Variants in RPA2 observed in about 807,000 individuals in gnomAD.
RPA2 encodes the protein replication protein A2.
RPA2 carries 22 observed loss-of-function variants against 33.4 expected under a neutral mutation model. The observed-to-expected ratio is 0.66, with a 90% confidence interval of 0.47 to 0.94. The LOEUF (loss-of-function observed/expected upper bound fraction) is 0.94, where lower values mean the gene tolerates loss of function less well. Among genes scored for constraint, RPA2 ranks in the 40% least tolerant of loss-of-function variants. RPA2 has a pLI of 0.00. For missense variants in RPA2, 279 were observed against 329.9 expected, an observed-to-expected ratio of 0.85 and a Z score of 1.19; for synonymous variants, 109 against 114.9, an observed-to-expected ratio of 0.95 and a Z score of 0.33.
intron 4 of RPA2, among the ~76,000 whole-genome samples, chr1:27,898,695 G>A (rs1235633957): frequency 6.6e-6 from 1 of 151,888 alleles, no homozygotes; most frequent in Non-Finnish European, 1.5e-5. Context: ...ATAGGCGCCT[G>A]CCACCACACC....
intron 2 of RPA2, among the ~76,000 whole-genome samples, chr1:27,911,012 T>G (rs550980550): frequency 3.4e-4 from 51 of 151,942 alleles, no homozygotes; most frequent in African/African-American, 1.1e-3. Flanking sequence ...CGTCAGGAGT[T>G]TGAGACCAGC....
chr1:27,906,992 A>C lies in RPA2; in HGVS notation c.269T>G (p.Ile90Ser). 1 of 1,613,964 alleles carries C rather than the reference A, an allele frequency of 6.2e-7. No individual in the cohort carries two copies. ...TGTCATGTCATCTATTTTGTAAACA[A>C]TGTTGGTTGGAGCCTTCTCTGCATG... is the stretch of plus-strand genomic sequence containing the variant. ...IRHAEKAPTNIVYKIDDMTAA... is the reference protein window; with the variant it reads ...IRHAEKAPTNSVYKIDDMTAA... The change falls in exon 4 of 9, where the codon ATT (isoleucine) becomes AGT (serine). Residue 90 changes from isoleucine to serine, a missense_variant. Ile to Ser is a moderately radical substitution (Grantham distance 142). Coordinates refer to ENST00000373912, the MANE Select transcript of RPA2 (RefSeq NM_002946.5).
At chr1:27,906,664 C>T (rs765599871) in intron 4 of RPA2, among the ~76,000 whole-genome samples, 8 of 151,986 alleles carry the variant, frequency 5.3e-5, no homozygotes, top group South Asian at 2.1e-4. Context: ...ACTGCCTGGG[C>T]GACAGAGTGA....
intron 8 of RPA2, among the ~76,000 whole-genome samples, chr1:27,893,454 C>A (rs1235645898): frequency 6.6e-6 from 1 of 151,830 alleles, no homozygotes; most frequent in Non-Finnish European, 1.5e-5. Flanking sequence ...TACAGACATG[C>A]GCCACTGTGC....
Position 27,894,371 on chromosome 1 carries a change from G to A in RPA2, c.552C>T (p.Ser184=). ...TCCCTGCTTCACTCATTCCTGGATTGCTGATAGGTGCTCTCCCTGCTGAGG... is the reference window on the plus strand; with the variant it reads ...TCCCTGCTTCACTCATTCCTGGATTACTGATAGGTGCTCTCCCTGCTGAGG... ...SQPSAGRAPI[S]NPGMSEAGNF... Residue 184 remains serine, a synonymous_variant, in exon 7 of 9, where the codon AGC becomes AGT. Transcript: ENST00000373912. 6.2e-7 allele frequency: 1 copy of A among 1,613,786 alleles called. No individual in the cohort carries two copies. Among genetic ancestry groups the A allele is most frequent in the Non-Finnish European group, 8.5e-7 (1 of 1,179,978 alleles).
chr1:27,895,607 T>C (rs1467708382), intron 6 of RPA2, among the ~76,000 whole-genome samples: 1 of 151,100 alleles, frequency 6.6e-6, no homozygotes, highest in Admixed American at 6.6e-5. Flanking sequence ...GGTGGGCGCC[T>C]GTGGTCCCAG....
intron 6 of RPA2, among the ~76,000 whole-genome samples, chr1:27,896,519 G>A (rs868323685): frequency 6.6e-6 from 1 of 152,052 alleles, no homozygotes; most frequent in Non-Finnish European, 1.5e-5. Flanking sequence ...GGTCCTAGAT[G>A]GACTTGTCAA....
intron 1 of RPA2, 107 bp from the exon 2 acceptor site, chr1:27,914,276 C>G (rs768098414): frequency 6.3e-7 from 1 of 1,598,498 alleles, no homozygotes; most frequent in East Asian, 2.3e-5. Flanking sequence ...GTCTCCCTAA[C>G]CTTCCTCGCC....
At chr1:27,901,986 A>C (rs182741993) in intron 4 of RPA2, among the ~76,000 whole-genome samples, 69 of 149,518 alleles carry the variant, frequency 4.6e-4, no homozygotes, top group Admixed American at 2.1e-3. Flanking sequence ...GAAAATTTAC[A>C]AAAACCCCAC....
chr1:27,914,527 C>A lies in RPA2; in HGVS notation c.-84G>T. ...AAACCACAGAACGCGGCCGCCACTGCGCCGCTCTGGCTACTTTTCTCTGGC... is the reference window on the plus strand; with the variant it reads ...AAACCACAGAACGCGGCCGCCACTGAGCCGCTCTGGCTACTTTTCTCTGGC... On this transcript the variant is annotated 5_prime_UTR_variant, in exon 1 of 9. Coordinates refer to ENST00000373912, the MANE Select transcript of RPA2 (RefSeq NM_002946.5). 6.2e-7 allele frequency: 1 copy of A among 1,605,422 alleles called. No individual in the cohort carries two copies. Among genetic ancestry groups the A allele is most frequent in the Non-Finnish European group, 8.5e-7 (1 of 1,176,294 alleles).
At chr1:27,912,764 C>T (rs1311309651) in intron 2 of RPA2, among the ~76,000 whole-genome samples, 1 of 152,110 alleles carries the variant, frequency 6.6e-6, no homozygotes, top group Admixed American at 6.6e-5. Flanking sequence ...CTGGAGCCCC[C>T]ATGTTCTGGC....
At chr1:27,900,107 C>A (rs1380373623) in intron 4 of RPA2, among the ~76,000 whole-genome samples, 1 of 152,208 alleles carries the variant, frequency 6.6e-6, no homozygotes, top group Non-Finnish European at 1.5e-5. Context: ...CCGAACCCAG[C>A]TGAGATTTAT....
chr1:27,899,905 C>G (rs866500002), intron 4 of RPA2, among the ~76,000 whole-genome samples: 6 of 152,260 alleles, frequency 3.9e-5, no homozygotes, highest in Non-Finnish European at 7.4e-5. Flanking sequence ...TGGTCTCGAT[C>G]TCCTGACCTC....
chr1:27,907,731 AG>A, intron 2 of RPA2, among the ~76,000 whole-genome samples: 1 of 152,312 alleles, frequency 6.6e-6, no homozygotes, highest in South Asian at 2.1e-4. Flanking sequence ...AATTGCTTGT[AG>A]GTCTTGTGAT....
chr1:27,899,378 G>A (rs889406163), intron 4 of RPA2, among the ~76,000 whole-genome samples: 1 of 151,902 alleles, frequency 6.6e-6, no homozygotes, highest in East Asian at 1.9e-4. Context: ...GGTGGTGGGT[G>A]CCTGTAGTCC....
chr1:27,909,719 A>G (rs955590715), intron 2 of RPA2, among the ~76,000 whole-genome samples: 8 of 151,986 alleles, frequency 5.3e-5, no homozygotes, highest in African/African-American at 1.9e-4. Context: ...AAAAAGAGAA[A>G]AAAAAAAAAG....
intron 4 of RPA2, among the ~76,000 whole-genome samples, chr1:27,903,009 A>C (rs1374655858): frequency 2.0e-5 from 3 of 152,176 alleles, no homozygotes; most frequent in Non-Finnish European, 4.4e-5. Context: ...GGCTCACTGC[A>C]GTCTCTGCCT....
intron 8 of RPA2, among the ~76,000 whole-genome samples, chr1:27,893,060 A>G (rs2089844428): frequency 6.6e-6 from 1 of 152,204 alleles, no homozygotes. Context: ...CATGTCCACA[A>G]TGGGGACAGT....
At chr1:27,903,237 ATTTT>A (rs1358790247) in intron 4 of RPA2, among the ~76,000 whole-genome samples, 367 of 152,212 alleles carry the variant, frequency 2.4e-3, no homozygotes, top group African/African-American at 8.5e-3. Flanking sequence ...CCTTACGATT[ATTTT>A]ATAATCATGA....
Sources: allele counts gnomAD v4.1 joint callset (sites outside exome capture counted in the v4.1 genomes callset), GRCh38; gene constraint gnomAD v4.1.1; transcripts MANE v1.5; gene names NCBI Gene and HGNC (gene_info 2026-07-23, HGNC 2026-07-21).